The following GABBR1 variants were observed in gnomAD, a reference collection of about 807,000 sequenced individuals.
GABBR1 encodes the protein gamma-aminobutyric acid type B receptor subunit 1.
A neutral mutation model predicts 117.7 loss-of-function variants in GABBR1; 35 were observed. That is an observed-to-expected ratio of 0.30 (90% confidence interval 0.23 to 0.39). GABBR1 has a LOEUF of 0.39. Ranked by LOEUF, GABBR1 falls within the 10% of genes least tolerant of loss-of-function variation. The pLI, the probability that GABBR1 is intolerant of heterozygous loss-of-function variation, is 1.00. For missense variants in GABBR1, 709 were observed against 1,241.8 expected (o/e 0.57, Z 6.45); for synonymous variants, 442 against 486.6 (o/e 0.91, Z 1.21).
Position 29,606,217 on chromosome 6 carries a change from C to T in GABBR1, c.2311+174G>A. 1.6e-6 allele frequency: 1 copy of T among 620,462 alleles called. No homozygotes were observed. Among genetic ancestry groups the T allele is most frequent in the Non-Finnish European group, 2.9e-6 (1 of 346,408 alleles). 38.4% of individuals were successfully genotyped at this position (620,462 alleles called of 1,614,324 possible). On this transcript the variant is annotated intron_variant, in intron 19 of 22. Coordinates refer to ENST00000377034, the MANE Select transcript of GABBR1 (RefSeq NM_001470.4). This position sits in a 1 kb window ranked among gnomAD's most constrained non-coding sequence, Gnocchi z 4.5. ...TAAGCTCCTCATAGCAAAAGAGCAA[C>T]TCTCCCCTATTCTCAGAAAAGATTA...
chr6:29,609,124 G>T lies in GABBR1; in HGVS notation c.1859+105C>A. The T allele has an allele frequency of 9.0e-7, 1 of 1,110,892 alleles. No individual in the cohort carries two copies. The allele number at this position is 1,110,892 out of a possible 1,614,324, so 68.8% of individuals were successfully genotyped here. A position where few individuals can be genotyped will look rare whatever the true frequency, so the allele number is the denominator to read the frequency against. On this transcript the variant is annotated intron_variant, in intron 15 of 22. Transcript: ENST00000377034. The surrounding 1 kb of genome is among the most constrained non-coding windows in gnomAD (Gnocchi z 4.3). ...AACAAGTCAGAATGAAAAACTCCAT[G>T]ATACATGGCCATGGGAGTTACACAG...
chr6:29,615,609 T>TAAAAAAAA (rs28751302), intron 11 of GABBR1, among the ~76,000 whole-genome samples: 2 of 121,414 alleles, frequency 1.6e-5, no homozygotes, highest in African/African-American at 3.1e-5. Flanking sequence ...ACTCTGCCTT[T>TAAAAAAAA]AAAAAAAAAA....
chr6:29,611,262 A>G lies in GABBR1; in HGVS notation c.1631-261T>C, dbSNP rs1762510539. ...GTCTTCAGTGAGGAGGCTCCACAAC[A>G]TGTCTGCCACCTATTCCATTCCTCA... On this transcript the variant is annotated intron_variant, in intron 13 of 22. Coordinates refer to ENST00000377034, the MANE Select transcript of GABBR1 (RefSeq NM_001470.4). The surrounding 1 kb of genome is among the most constrained non-coding windows in gnomAD (Gnocchi z 4.6). The G allele has an allele frequency of 2.5e-6, 1 of 406,978 alleles. No homozygotes were observed. Among genetic ancestry groups the G allele is most frequent in the East Asian group, 3.7e-5 (1 of 26,984 alleles). The allele number at this position is 406,978 out of a possible 1,614,324, so 25.2% of individuals were successfully genotyped here. A position where few individuals can be genotyped will look rare whatever the true frequency, so the allele number is the denominator to read the frequency against.
rs898106415 is a variant in GABBR1 at position 29,621,888 on chromosome 6, A to G, written c.1066-71T>C. 2.7e-6 allele frequency: 4 copies of G among 1,508,542 alleles called. No individual in the cohort carries two copies. The highest frequency in any genetic ancestry group is 1.7e-5 in the Admixed American group (1 of 58,956). The allele number at this position is 1,508,542 out of a possible 1,614,324, so 93.4% of individuals were successfully genotyped here. ...CTGAGGGGCTAAGCCAGATGTCTTC[A>G]CAGCTTTGATTTCCCATCCCAAAGT... On this transcript the variant is annotated intron_variant, in intron 9 of 22. Transcript: ENST00000377034. This position sits in a 1 kb window ranked among gnomAD's most constrained non-coding sequence, Gnocchi z 5.0.
At chr6:29,624,265 C>A in intron 6 of GABBR1, 1 of 420,796 alleles carries the variant, frequency 2.4e-6, no homozygotes, top group Non-Finnish European at 4.3e-6. Flanking sequence ...CCTGCACACC[C>A]CTCCTTTGGT....
At chr6:29,608,884 G>C in intron 15 of GABBR1, 151 bp from the exon 16 acceptor site, 2 of 877,302 alleles carry the variant, frequency 2.3e-6, no homozygotes, top group South Asian at 1.8e-5. Context: ...GTGGAGCCTT[G>C]AGAGGCAGAG....
Position 29,632,475 on chromosome 6 carries a change from C to T in GABBR1, c.1-90G>A, listed in dbSNP as rs2127456858. On this transcript the variant is annotated intron_variant, in intron 1 of 22. Transcript: ENST00000377034. The surrounding 1 kb of genome is among the most constrained non-coding windows in gnomAD (Gnocchi z 5.8). ...ACTCGACCTCTTGCCGGTTGCCTCG[C>T]AGGCTCCGACCGGGCTCAGCCTGGG... The T allele has an allele frequency of 8.8e-7, 1 of 1,139,494 alleles. No homozygotes were observed. The highest frequency in any genetic ancestry group is 2.0e-5 in the South Asian group (1 of 49,780). The allele number at this position is 1,139,494 out of a possible 1,614,324, so 70.6% of individuals were successfully genotyped here. A position where few individuals can be genotyped will look rare whatever the true frequency, so the allele number is the denominator to read the frequency against.
In GABBR1 at chr6:29,621,949, A is replaced by G; in HGVS notation, c.1066-132T>C. On this transcript the variant is annotated intron_variant, in intron 9 of 22. Coordinates refer to ENST00000377034, the MANE Select transcript of GABBR1 (RefSeq NM_001470.4). The surrounding 1 kb of genome is among the most constrained non-coding windows in gnomAD (Gnocchi z 5.0). ...GGGTAACGCTCAACGTATAGTGAAT[A>G]AACGTCAACTGGAAGATGGAGCTAA... is the stretch of plus-strand genomic sequence containing the variant. 1 of 1,055,974 alleles carries G rather than the reference A, an allele frequency of 9.5e-7. No individual in the cohort carries two copies. Among genetic ancestry groups the G allele is most frequent in the Non-Finnish European group, 1.4e-6 (1 of 699,266 alleles). 65.4% of individuals were successfully genotyped at this position (1,055,974 alleles called of 1,614,324 possible).
At position 29,621,937 on chromosome 6, in the gene GABBR1, C is replaced by T. The variant is rs570581665; in HGVS notation, c.1066-120G>A. 101 of 1,095,706 alleles carry T rather than the reference C, an allele frequency of 9.2e-5. 3 individuals carry two copies. In the Middle Eastern group the frequency reaches 5.2e-3, roughly 56 times the overall value. 67.9% of individuals were successfully genotyped at this position (1,095,706 alleles called of 1,614,324 possible). The stretch of plus-strand genomic sequence containing the variant: ...GTGCTTAGTGCAGGGTAACGCTCAA[C>T]GTATAGTGAATAAACGTCAACTGGA... On this transcript the variant is annotated intron_variant, in intron 9 of 22. Coordinates refer to ENST00000377034, the MANE Select transcript of GABBR1 (RefSeq NM_001470.4). This position sits in a 1 kb window ranked among gnomAD's most constrained non-coding sequence, Gnocchi z 5.0.
At chr6:29,619,590 C>T (rs1259996648) in intron 11 of GABBR1, among the ~76,000 whole-genome samples, 1 of 152,108 alleles carries the variant, frequency 6.6e-6, no homozygotes, top group Non-Finnish European at 1.5e-5. Context: ...TCCTGGGCTC[C>T]AGTGATCCTC....
At position 29,631,636 on chromosome 6, in the gene GABBR1, G is replaced by A. The variant is rs1350206813; in HGVS notation, c.86-37C>T. 2 of 1,592,442 alleles carry A rather than the reference G, an allele frequency of 1.3e-6. No homozygotes were observed. Among genetic ancestry groups the A allele is most frequent in the Non-Finnish European group, 1.7e-6 (2 of 1,160,614 alleles). On this transcript the variant is annotated intron_variant, in intron 2 of 22. Transcript: ENST00000377034. This position sits in a 1 kb window ranked among gnomAD's most constrained non-coding sequence, Gnocchi z 5.9. ...GTCGGGGAGGCATACAGAGAGGAAT[G>A]GTGGGAAAGAGGAAAAGGCAGGCTC... is the stretch of plus-strand genomic sequence containing the variant.
rs1762767748 is a variant in GABBR1 at position 29,613,526 on chromosome 6, G to A, written c.1324-41C>T. ...TCATGAGGAAAGAACTGAAATGTGT[G>A]TGGGTGTGGGGGAAGGGGTGCAATC... is the stretch of plus-strand genomic sequence containing the variant. On this transcript the variant is annotated intron_variant, in intron 11 of 22. Coordinates refer to ENST00000377034, the MANE Select transcript of GABBR1 (RefSeq NM_001470.4). The surrounding 1 kb of genome is among the most constrained non-coding windows in gnomAD (Gnocchi z 4.1). 6.3e-7 allele frequency: 1 copy of A among 1,598,320 alleles called. No individual in the cohort carries two copies. The highest frequency in any genetic ancestry group is 8.5e-7 in the Non-Finnish European group (1 of 1,170,344).
Position 29,623,995 on chromosome 6 carries a change from T to C in GABBR1, c.687A>G (p.Leu229=), listed in dbSNP as rs1764020526. 6.2e-7 allele frequency: 1 copy of C among 1,612,824 alleles called. No individual in the cohort carries two copies. Among genetic ancestry groups the C allele is most frequent in the Non-Finnish European group, 8.5e-7 (1 of 1,179,952 alleles). ...KCDPGQATKY[L]YELLYNDPIK... Reference sequence around the variant, plus strand: ...TAGGGTCGTTGTAGAGCAGCTCATATAGGTACTTGGTGGCTTGGCCTGGAT... The same window carrying C: ...TAGGGTCGTTGTAGAGCAGCTCATACAGGTACTTGGTGGCTTGGCCTGGAT... Residue 229 remains leucine, a synonymous_variant, in exon 7 of 23, where the codon CTA becomes CTG. Transcript: ENST00000377034. This position sits in a 1 kb window ranked among gnomAD's most constrained non-coding sequence, Gnocchi z 6.2.
In GABBR1 at chr6:29,604,965, A is replaced by G. The variant is rs1389187875; in HGVS notation, c.2463T>C (p.Pro821=). 6.2e-7 allele frequency: 1 copy of G among 1,612,712 alleles called. No individual in the cohort carries two copies. The highest frequency in any genetic ancestry group is 1.1e-5 in the South Asian group (1 of 91,024). ...NVAVLCLITA[P]VTMILSSQQD... ...GCTGGCTGGACAGAATCATGGTGAC[A>G]GGAGCAGTGATGAGGCACAGGACCT... Residue 821 remains proline (P), a synonymous_variant, in exon 21 of 23, where the codon CCT becomes CCC. Coordinates refer to ENST00000377034, the MANE Select transcript of GABBR1 (RefSeq NM_001470.4). The surrounding 1 kb of genome is among the most constrained non-coding windows in gnomAD (Gnocchi z 5.3).
In GABBR1 at chr6:29,627,558, C is replaced by A. The variant is rs1764417872; in HGVS notation, c.585G>T (p.Ala195=). Residue 195 remains alanine, a synonymous_variant, in exon 6 of 23, where the codon GCG becomes GCT. Transcript: ENST00000377034. The surrounding 1 kb of genome is among the most constrained non-coding windows in gnomAD (Gnocchi z 4.4). ...CCCTGCGGCTATTCACGTCCTCCAG[C>A]GCCATCTCCACCGCGGGCTGGCAGG... is the stretch of plus-strand genomic sequence containing the variant. ...GQACQPAVEM[A]LEDVNSRRDI... The A allele has an allele frequency of 6.3e-7, 1 of 1,593,172 alleles. No homozygotes were observed.
chr6:29,623,577 C>T lies in GABBR1; in HGVS notation c.793-102G>A. On this transcript the variant is annotated intron_variant, in intron 7 of 22. Coordinates refer to ENST00000377034, the MANE Select transcript of GABBR1 (RefSeq NM_001470.4). This position sits in a 1 kb window ranked among gnomAD's most constrained non-coding sequence, Gnocchi z 6.2. ...CTCTTCCTGCCTTTGGGTTTCTCTT[C>T]CTTACTCTCTCCAAACCTCCCCACC... 1.7e-6 allele frequency: 2 copies of T among 1,211,924 alleles called. No individual in the cohort carries two copies. The highest frequency in any genetic ancestry group is 2.9e-5 in the South Asian group (2 of 67,920). 75.1% of individuals were successfully genotyped at this position (1,211,924 alleles called of 1,614,324 possible).
chr6:29,623,280 T>C lies in GABBR1; in HGVS notation c.963+25A>G, dbSNP rs758466175. On this transcript the variant is annotated intron_variant, in intron 8 of 22. Transcript: ENST00000377034. This position sits in a 1 kb window ranked among gnomAD's most constrained non-coding sequence, Gnocchi z 6.2. ...GCTGGAATTTGAGCTTATGTCCCTT[T>C]ACCCCTTGCCCAACCCCTCCTCACC... 20 of 1,601,812 alleles carry C rather than the reference T, an allele frequency of 1.2e-5. No individual in the cohort carries two copies. The African/African-American group carries it at 2.4e-4, about 19-fold the overall frequency.
Position 29,606,798 on chromosome 6 carries a change from A to T in GABBR1, c.2217+99T>A. ...CCAATACGAGGAAGGCACTCTCTCC[A>T]AGTAGCTTCATCCCTCAAGACACAC... is the stretch of plus-strand genomic sequence containing the variant. On this transcript the variant is annotated intron_variant, in intron 18 of 22. Transcript: ENST00000377034. This position sits in a 1 kb window ranked among gnomAD's most constrained non-coding sequence, Gnocchi z 4.5. 1 of 971,042 alleles carries T rather than the reference A, an allele frequency of 1.0e-6. No individual in the cohort carries two copies. Among genetic ancestry groups the T allele is most frequent in the Non-Finnish European group, 1.6e-6 (1 of 629,144 alleles). The allele number at this position is 971,042 out of a possible 1,614,324, so 60.2% of individuals were successfully genotyped here.
rs909490653 is a variant in GABBR1 at position 29,631,249 on chromosome 6, T to C, written c.289+147A>G. ...CTACCTCCAACCGCACAGAGCAAAATTGCTCTTATGTAGTAGTCATTCAAT... is the reference window on the plus strand; with the variant it reads ...CTACCTCCAACCGCACAGAGCAAAACTGCTCTTATGTAGTAGTCATTCAAT... On this transcript the variant is annotated intron_variant, in intron 3 of 22. Coordinates refer to ENST00000377034, the MANE Select transcript of GABBR1 (RefSeq NM_001470.4). This position sits in a 1 kb window ranked among gnomAD's most constrained non-coding sequence, Gnocchi z 5.9. 8 of 776,162 alleles carry C rather than the reference T, an allele frequency of 1.0e-5. No homozygotes were observed. Among genetic ancestry groups the C allele is most frequent in the African/African-American group, 3.4e-5 (2 of 58,126 alleles). The allele number at this position is 776,162 out of a possible 1,614,324, so 48.1% of individuals were successfully genotyped here.
Sources: allele counts gnomAD v4.1 joint callset (sites outside exome capture counted in the v4.1 genomes callset), GRCh38; gene constraint gnomAD v4.1.1; non-coding constraint Gnocchi (gnomAD v3.1); transcripts MANE v1.5; gene names NCBI Gene and HGNC (gene_info 2026-07-23, HGNC 2026-07-21).